The following CACNA1C variants were observed in gnomAD, a reference collection of about 807,000 sequenced individuals.
The protein encoded by CACNA1C is voltage-dependent L-type calcium channel subunit alpha-1C.
In CACNA1C, 30 loss-of-function variants were observed where a neutral mutation model predicts 229.0. The ratio of observed to expected loss-of-function variants is 0.13; its 90% confidence interval spans 0.10 to 0.18. CACNA1C has a LOEUF of 0.18. Ranked by LOEUF, CACNA1C falls within the 10% of genes least tolerant of loss-of-function variation. The pLI, the probability that CACNA1C is intolerant of heterozygous loss-of-function variation, is 1.00. For synonymous variants in CACNA1C, 1,114 were observed against 1,132.5 expected, an observed-to-expected ratio of 0.98 and a Z score of 0.33; for missense variants, 1,658 against 2,845.0, an observed-to-expected ratio of 0.58 and a Z score of 9.49.
At chr12:2,614,070 A>T (rs2079195662) in intron 29 of CACNA1C, 1 of 152,176 alleles carries the variant, frequency 6.6e-6, no homozygotes, top group Non-Finnish European at 1.5e-5. Flanking sequence ...AAGTGCATGA[A>T]ATTGACACCT....
At chr12:2,120,653 GCT>G (rs1491320002) in intron 3 of CACNA1C, among the ~76,000 whole-genome samples, 2 of 107,146 alleles carry the variant, frequency 1.9e-5, no homozygotes, top group East Asian at 5.9e-4. Context: ...GTGGTGGTGA[GCT>G]CTGTGTGTGT....
intron 11 of CACNA1C, among the ~76,000 whole-genome samples, chr12:2,560,500 A>G (rs1327137306): frequency 2.6e-5 from 4 of 152,196 alleles, no homozygotes; most frequent in Non-Finnish European, 5.9e-5. Flanking sequence ...AAAATAAGAG[A>G]TTTGTGACAT....
chr12:2,136,315 C>A (rs1343422661), intron 3 of CACNA1C, among the ~76,000 whole-genome samples: 2 of 151,292 alleles, frequency 1.3e-5, no homozygotes, highest in African/African-American at 4.8e-5. Flanking sequence ...CATCTTGGCT[C>A]CTCCTCGAGA....
chr12:2,052,770 C>G (rs1226302539), upstream of CACNA1C, among the ~76,000 whole-genome samples: 2 of 145,374 alleles, frequency 1.4e-5, no homozygotes, highest in African/African-American at 2.5e-5. Context: ...CTGCCGCGGG[C>G]GCCGGGAGGG....
chr12:1,973,165 G>C (rs890093540), intron 1 of CACNA1C, among the ~76,000 whole-genome samples: 1 of 152,176 alleles, frequency 6.6e-6, no homozygotes, highest in Non-Finnish European at 1.5e-5. Context: ...TGGCCACTGA[G>C]AGTCTACATA....
chr12:2,681,759 G>A (rs938422018), intron 42 of CACNA1C, among the ~76,000 whole-genome samples: 6 of 152,196 alleles, frequency 3.9e-5, no homozygotes. Flanking sequence ...CCAGGGCACT[G>A]ATTTAGCACT....
intron 3 of CACNA1C, among the ~76,000 whole-genome samples, chr12:2,183,797 G>A (rs926277112): frequency 2.6e-5 from 4 of 152,254 alleles, no homozygotes; most frequent in Non-Finnish European, 5.9e-5. Flanking sequence ...CCAGCAGGTA[G>A]GGCAGTGGCT....
In CACNA1C at chr12:2,123,375, C is replaced by CAG. The variant is rs1341241049; in HGVS notation, c.477+2946_477+2947insGA. Among the ~76,000 whole-genome samples, 6 of 72,994 alleles carry CAG rather than the reference C, an allele frequency of 8.2e-5. No homozygotes were observed. In the East Asian group the frequency reaches 2.5e-3, roughly 30 times the overall value. 47.9% of individuals were successfully genotyped at this position (72,994 alleles called of 152,430 possible). On this transcript the variant is annotated intron_variant, in intron 3 of 46. Transcript: ENST00000399655. ...TGGGTGACAGAAGGAGACTCCATCT[C>CAG]AAAAAAAAAAAAAAAAAAAAAAGGT...
At chr12:2,396,396 CAAG>C (rs955741192) in intron 3 of CACNA1C, among the ~76,000 whole-genome samples, 16 of 152,084 alleles carry the variant, frequency 1.1e-4, no homozygotes, top group African/African-American at 3.4e-4. Flanking sequence ...GAGGCCTGCC[CAAG>C]AAGAAGAGGG....
rs143048228 is a variant in CACNA1C at position 1,974,540 on chromosome 12, G to A, written c.139+3339G>A. On this transcript the variant is annotated intron_variant, in intron 1 of 46. Coordinates refer to the CACNA1C transcript ENST00000682462. ...TACCATTCTTCCTGATTGACTACTT[G>A]TTAGGCACTGGCAACTAAGAGCTCA... 3.5e-4 allele frequency among the ~76,000 whole-genome samples: 53 copies of A among 152,194 alleles called. No homozygotes were observed. In the East Asian group the frequency reaches 7.5e-3, roughly 22 times the overall value.
intron 1 of CACNA1C, among the ~76,000 whole-genome samples, chr12:2,105,714 GCATC>G (rs2078113359): frequency 1.5e-5 from 2 of 131,526 alleles, no homozygotes; most frequent in African/African-American, 6.3e-5. Context: ...CCTCAGCTGG[GCATC>G]GTGAAGCCAC....
intron 3 of CACNA1C, among the ~76,000 whole-genome samples, chr12:2,364,599 T>G (rs116752116): frequency 0.029 from 4,481 of 152,200 alleles, 220 homozygotes; most frequent in African/African-American, 0.099. Flanking sequence ...AAGCAGAACG[T>G]TTAAATACAC....
chr12:2,014,968 C>T (rs2045097309), intron 1 of CACNA1C, among the ~76,000 whole-genome samples: 1 of 152,188 alleles, frequency 6.6e-6, no homozygotes, highest in Non-Finnish European at 1.5e-5. Flanking sequence ...CCCAGGGATT[C>T]ACCTATGCAA....
In CACNA1C at chr12:1,971,461, C is replaced by T. The variant is rs1004256779; in HGVS notation, c.139+260C>T. Among the ~76,000 whole-genome samples the T allele has an allele frequency of 6.6e-6, 1 of 152,184 alleles. No individual in the cohort carries two copies. The highest frequency in any genetic ancestry group is 1.5e-5 in the Non-Finnish European group (1 of 68,030). ...GCAATACTGCCTTTACATAATGAAA[C>T]ACCAATCTTTTACTTTCCTTTTAAC... On this transcript the variant is annotated intron_variant, in intron 1 of 46. Transcript: ENST00000682462. This position sits in a 1 kb window ranked among gnomAD's most constrained non-coding sequence, Gnocchi z 4.2.
At position 2,144,363 on chromosome 12, in the gene CACNA1C, A is replaced by G. The variant is rs79703004; in HGVS notation, c.477+23933A>G. On this transcript the variant is annotated intron_variant, in intron 3 of 46. Coordinates refer to ENST00000399655, the MANE Select transcript of CACNA1C (RefSeq NM_000719.7). ...GAAGAGACACCATTCCATGTGAAAG[A>G]TATCATTTTGACATATAAACACAGA... 9.9e-3 allele frequency among the ~76,000 whole-genome samples: 1,497 copies of G among 151,394 alleles called. 37 individuals carry two copies. The highest frequency in any genetic ancestry group is 0.034 in the African/African-American group (1,409 of 41,504).
At chr12:2,542,691 T>G (rs922707877) in intron 9 of CACNA1C, among the ~76,000 whole-genome samples, 2 of 152,196 alleles carry the variant, frequency 1.3e-5, no homozygotes, top group African/African-American at 4.8e-5. Context: ...AGAAAATGAC[T>G]TTTTATAATC....
chr12:2,227,114 C>T (rs1160148609), intron 3 of CACNA1C, among the ~76,000 whole-genome samples: 4 of 152,178 alleles, frequency 2.6e-5, no homozygotes, highest in South Asian at 4.1e-4. Context: ...CCCTGCCCTC[C>T]CCTTTTTAGC....
intron 1 of CACNA1C, among the ~76,000 whole-genome samples, chr12:2,073,068 C>T (rs370850482): frequency 6.6e-5 from 10 of 152,266 alleles, no homozygotes; most frequent in African/African-American, 2.2e-4. Context: ...GGCGGCAACA[C>T]GGACCATTGT....
chr12:1,988,942 G>T (rs964891103), intron 1 of CACNA1C, among the ~76,000 whole-genome samples: 3 of 152,086 alleles, frequency 2.0e-5, no homozygotes, highest in African/African-American at 7.2e-5. Flanking sequence ...AAATAGTTTT[G>T]GTCCTAAATA....
Sources: gnomAD v4.1 joint callset for allele counts (sites outside exome capture counted in the v4.1 genomes callset) on GRCh38, gnomAD v4.1.1 for gene constraint, Gnocchi (gnomAD v3.1) non-coding constraint, MANE v1.5 for transcripts, NCBI Gene and HGNC (gene_info 2026-07-23, HGNC 2026-07-21) for gene names.